LRRC45: variants seen among roughly 807,000 people sequenced by gnomAD.
LRRC45 encodes leucine rich repeat containing 45.
Under a neutral mutation model 85.4 loss-of-function variants are expected in LRRC45, and 73 were observed. That is an observed-to-expected ratio of 0.85 (90% CI 0.71 to 1.04). The LOEUF (loss-of-function observed/expected upper bound fraction) is 1.04, where lower values mean the gene tolerates loss of function less well. Ranked by LOEUF, LRRC45 falls within the 50% of genes least tolerant of loss-of-function variation. The pLI is 0.00. For synonymous variants in LRRC45, 429 were observed against 386.0 expected, an observed-to-expected ratio of 1.11 and a Z score of -1.31; for missense variants, 937 against 883.3, an observed-to-expected ratio of 1.06 and a Z score of -0.77.
chr17:82,028,855 CG>C (rs1243915236), intron 12 of LRRC45, 172 bp downstream of exon 12: 7 of 821,418 alleles, frequency 8.5e-6, no homozygotes, highest in African/African-American at 1.7e-5. Flanking sequence ...TTGGGGGCGG[CG>C]GGGGGACCCC....
Position 82,025,140 on chromosome 17 carries a change from C to T in LRRC45, c.494C>T (p.Ala165Val), listed in dbSNP as rs778963298. 1.2e-6 allele frequency: 2 copies of T among 1,608,786 alleles called. No individual in the cohort carries two copies. Among genetic ancestry groups the T allele is most frequent in the East Asian group, 2.2e-5 (1 of 44,768 alleles). Reference sequence around the variant, plus strand: ...AGTCACAAGGGCGCGGAGGAGCTGGCCCTAGCCCTGAAGGGCAACACCACC... The same window carrying T: ...AGTCACAAGGGCGCGGAGGAGCTGGTCCTAGCCCTGAAGGGCAACACCACC... ...QISHKGAEEL[A>V]LALKGNTTLQ... The change falls in exon 4 of 17, where the codon GCC (alanine) becomes GTC (valine). Residue 165 changes from alanine to valine, a missense_variant. Ala to Val is a moderately conservative substitution (Grantham distance 64, BLOSUM62 0). Coordinates refer to ENST00000306688, the MANE Select transcript of LRRC45 (RefSeq NM_144999.4).
chr17:82,028,406 T>A lies in LRRC45; in HGVS notation c.1135T>A (p.Leu379Met), dbSNP rs1339763186. The change falls in exon 11 of 17, where the codon TTG becomes ATG. Residue 379 changes from leucine to methionine, a missense_variant. By Grantham distance (15) the Leu-to-Met change is conservative (BLOSUM62 2). Transcript: ENST00000306688. Reference sequence around the variant, plus strand: ...TGGTGCCGGCTTTCAGGTAGACGAGTTGGAGCGGAAGTTCAGGTGTCAGCA... The same window carrying A: ...TGGTGCCGGCTTTCAGGTAGACGAGATGGAGCGGAAGTTCAGGTGTCAGCA... ...NLLLQNQVDE[L>M]ERKFRCQQEQ... The A allele has an allele frequency of 6.2e-7, 1 of 1,612,080 alleles. No individual in the cohort carries two copies. Among genetic ancestry groups the A allele is most frequent in the African/African-American group, 1.3e-5 (1 of 74,804 alleles).
At chr17:82,027,291 C>A in intron 6 of LRRC45, 95 bp from the exon 7 acceptor site, 1 of 1,485,650 alleles carries the variant, frequency 6.7e-7, no homozygotes, top group African/African-American at 1.4e-5. Flanking sequence ...CGCTGCCTTG[C>A]CACATTGGTG....
In LRRC45 at chr17:82,023,559, C is replaced by A. The variant is rs764245838; in HGVS notation, c.-85C>A. 1.6e-6 allele frequency: 2 copies of A among 1,262,360 alleles called. No individual in the cohort carries two copies. Among genetic ancestry groups the A allele is most frequent in the African/African-American group, 1.5e-5 (1 of 65,078 alleles). 78.2% of individuals were successfully genotyped at this position (1,262,360 alleles called of 1,614,324 possible). On this transcript the variant is annotated 5_prime_UTR_variant, in exon 1 of 17. Coordinates refer to ENST00000306688, the MANE Select transcript of LRRC45 (RefSeq NM_144999.4). ...CGGCGGAGGCCCCGTCTCCTGTACC[C>A]GGCGCTGGGACTGCTCCGCACCGCG... is the stretch of plus-strand genomic sequence containing the variant.
At chr17:82,028,580 C>T (rs1416843418) in intron 11 of LRRC45, 33 bp from the exon 12 acceptor site, 2 of 1,612,488 alleles carry the variant, frequency 1.2e-6, no homozygotes, top group South Asian at 2.2e-5. Context: ...CCAGGGGATG[C>T]TCACGCATAC....
At chr17:82,029,712 T>C in intron 14 of LRRC45, 77 bp downstream of exon 14, 2 of 1,410,046 alleles carry the variant, frequency 1.4e-6, no homozygotes, top group Non-Finnish European at 2.0e-6. Context: ...ACTCCAGAGC[T>C]TCGGTCTGAG....
chr17:82,026,994 G>C lies in LRRC45; in HGVS notation c.757G>C (p.Glu253Gln), dbSNP rs528559072. 3.1e-6 allele frequency: 5 copies of C among 1,601,764 alleles called. No individual in the cohort carries two copies. In the Middle Eastern group the frequency reaches 6.6e-4, roughly 212 times the overall value. ...CAGCAAGGAGGTCCAGCACCTCCGG[G>C]AGGAGAAGTCCAAGCAGGTGAGGAT... ...VLSKEVQHLR[E>Q]EKSKQFLDLM... The change falls in exon 6 of 17, where the codon GAG becomes CAG. Residue 253 changes from glutamate to glutamine, a missense_variant. Physicochemically the swap from Glu to Gln is conservative, Grantham distance 29. Transcript: ENST00000306688.
At chr17:82,027,266 G>A (rs571176631) in intron 6 of LRRC45, 120 bp from the exon 7 acceptor site, 12 of 1,281,698 alleles carry the variant, frequency 9.4e-6, no homozygotes, top group Admixed American at 5.2e-5. Flanking sequence ...ACAGGGCACC[G>A]TGGGTGGAAC....
Position 82,026,912 on chromosome 17 carries a change from C to T in LRRC45, c.675C>T (p.Gly225=), listed in dbSNP as rs2043372848. The T allele has an allele frequency of 6.2e-7, 1 of 1,604,692 alleles. No homozygotes were observed. Among genetic ancestry groups the T allele is most frequent in the Non-Finnish European group, 8.5e-7 (1 of 1,177,964 alleles). Residue 225 remains glycine, a synonymous_variant, in exon 6 of 17, where the codon GGC becomes GGT. Transcript: ENST00000306688. ...DVLRAVEQAM[G]HSQDRLTTFQ... is the part of the protein sequence containing the mutation. Reference sequence around the variant, plus strand: ...CTCCTTCTGCAGAGCAAGCCATGGGCCACAGCCAGGACCGGCTCACCACCT... The same window carrying T: ...CTCCTTCTGCAGAGCAAGCCATGGGTCACAGCCAGGACCGGCTCACCACCT...
At position 82,028,280 on chromosome 17, in the gene LRRC45, C is replaced by T. The variant is rs72861736; in HGVS notation, c.1094C>T (p.Ala365Val). 145,545 of 1,584,724 alleles carry T rather than the reference C, an allele frequency of 0.092. 7,482 individuals carry two copies. The highest frequency in any genetic ancestry group is 0.11 in the Non-Finnish European group (125,427 of 1,165,672). The part of the protein sequence containing the change: ...ESKLLRDLSA[A>V]NEKNLLLQNQ... ...AAACTCCTCAGAGACTTGTCTGCTGCCAATGAAAAGAACCTGCTTCTGCAA... is the reference window on the plus strand; with the variant it reads ...AAACTCCTCAGAGACTTGTCTGCTGTCAATGAAAAGAACCTGCTTCTGCAA... The change falls in exon 10 of 17, where the codon GCC becomes GTC. Residue 365 changes from alanine to valine, a missense_variant. Ala to Val is a moderately conservative substitution (Grantham distance 64, BLOSUM62 0). Transcript: ENST00000306688.
intron 7 of LRRC45, 77 bp downstream of exon 7, chr17:82,027,521 G>A (rs1468654326): frequency 6.3e-7 from 1 of 1,595,346 alleles, no homozygotes; most frequent in Non-Finnish European, 8.6e-7. Flanking sequence ...GGACCAACCT[G>A]AGCCCACGAG....
At position 82,030,889 on chromosome 17, in the gene LRRC45, C is replaced by T. The variant is rs1255971789; in HGVS notation, c.*84C>T. 3 of 1,061,320 alleles carry T rather than the reference C, an allele frequency of 2.8e-6. No individual in the cohort carries two copies. In the African/African-American group the frequency reaches 4.9e-5, roughly 17 times the overall value. 65.7% of individuals were successfully genotyped at this position (1,061,320 alleles called of 1,614,324 possible). A position where few individuals can be genotyped will look rare whatever the true frequency, so the allele number is the denominator to read the frequency against. ...CAGGGGCTGCGTCCCGCCCGCGCCGCCTCTTTGAGACCCGGGTCGTCTGTT... is the reference window on the plus strand; with the variant it reads ...CAGGGGCTGCGTCCCGCCCGCGCCGTCTCTTTGAGACCCGGGTCGTCTGTT... On this transcript the variant is annotated 3_prime_UTR_variant, in exon 17 of 17. Transcript: ENST00000306688.
Position 82,028,602 on chromosome 17 carries a change from TG to T in LRRC45, c.1238-8del, listed in dbSNP as rs1309277352. On this transcript the variant is annotated splice_polypyrimidine_tract_variant and intron_variant, in intron 11 of 16. Transcript: ENST00000306688. Reference sequence around the variant, plus strand: ...ATGCTCACGCATACTCTGCCCACCCTGGGCTTCCAGAGCGCCTGGACATGGA... The same window carrying T: ...ATGCTCACGCATACTCTGCCCACCCTGGCTTCCAGAGCGCCTGGACATGGA... The T allele has an allele frequency of 1.2e-6, 2 of 1,612,774 alleles. No individual in the cohort carries two copies. The highest frequency in any genetic ancestry group is 1.7e-5 in the Admixed American group (1 of 60,022).
chr17:82,030,090 A>G lies in LRRC45; in HGVS notation c.1520A>G (p.Asp507Gly). The G allele has an allele frequency of 6.5e-7, 1 of 1,546,300 alleles. No individual in the cohort carries two copies. The highest frequency in any genetic ancestry group is 8.7e-7 in the Non-Finnish European group (1 of 1,147,068). ...CAACAGCGCCTGGCTCACCTGGAGG[A>G]CAAGCTGAGACTGCTGGCGCAGGCA... is the stretch of plus-strand genomic sequence containing the variant. ...EEQQRLAHLE[D>G]KLRLLAQARD... is the part of the protein sequence containing the mutation. Residue 507 changes from aspartate (D) to glycine (G), a missense_variant, in exon 15 of 17, where the codon GAC becomes GGC. Physicochemically the swap from Asp to Gly is moderately conservative, Grantham distance 94 (BLOSUM62 -1). Coordinates refer to ENST00000306688, the MANE Select transcript of LRRC45 (RefSeq NM_144999.4).
Position 82,023,373 on chromosome 17 carries a change from AG to A in LRRC45, c.-268del. 1 of 460,986 alleles carries A rather than the reference AG, an allele frequency of 2.2e-6. No homozygotes were observed. The highest frequency in any genetic ancestry group is 3.8e-6 in the Non-Finnish European group (1 of 262,644). 28.6% of individuals were successfully genotyped at this position (460,986 alleles called of 1,614,324 possible). On this transcript the variant is annotated 5_prime_UTR_variant, in exon 1 of 17. Transcript: ENST00000306688. ...CGGGGGTCGGGGCTGCAGGCGGGGC[AG>A]GGCTGGGTGGGGGCGCGCGACGCAC...
intron 2 of LRRC45, 56 bp from the exon 3 acceptor site, chr17:82,024,637 G>A (rs764175144): frequency 3.4e-5 from 52 of 1,531,840 alleles, no homozygotes; most frequent in Middle Eastern, 3.5e-4. Context: ...GGGCATGGGC[G>A]GGAATTCAGA....
chr17:82,025,487 G>T lies in LRRC45; in HGVS notation c.641G>T (p.Gly214Val). 9.3e-6 allele frequency: 15 copies of T among 1,607,748 alleles called. No homozygotes were observed. Among genetic ancestry groups the T allele is most frequent in the Non-Finnish European group, 1.2e-5 (14 of 1,177,054 alleles). Residue 214 changes from glycine to valine, a missense_variant, in exon 5 of 17, where the codon GGA becomes GTA. Gly to Val is a moderately radical substitution (Grantham distance 109, BLOSUM62 -3). Transcript: ENST00000306688. ...GACCTGGCTGGGAACAACATCCCTG[G>T]AGACGTCCTCAGAGCCGTGGGTACG... ...RLDLAGNNIP[G>V]DVLRAVEQAM...
intron 12 of LRRC45, 97 bp downstream of exon 12, chr17:82,028,780 A>AAC: frequency 7.4e-7 from 1 of 1,355,150 alleles, no homozygotes; most frequent in Non-Finnish European, 1.0e-6. Context: ...TTCCCTTGCC[A>AAC]ACCTTGGGTC....
At position 82,026,988 on chromosome 17, in the gene LRRC45, C is replaced by T. The variant is rs779138112; in HGVS notation, c.751C>T (p.Leu251Phe). The T allele has an allele frequency of 2.5e-6, 4 of 1,603,718 alleles. No homozygotes were observed. Among genetic ancestry groups the T allele is most frequent in the Non-Finnish European group, 3.4e-6 (4 of 1,177,592 alleles). ...CGTCCTCAGCAAGGAGGTCCAGCAC[C>T]TCCGGGAGGAGAAGTCCAAGCAGGT... ...THVLSKEVQH[L>F]REEKSKQFLD... is the part of the protein sequence containing the mutation. The change falls in exon 6 of 17, where the codon CTC becomes TTC. Residue 251 changes from leucine (L) to phenylalanine (F), a missense_variant. Transcript: ENST00000306688.
Sources: gnomAD v4.1 joint callset for allele counts on GRCh38, gnomAD v4.1.1 for gene constraint, MANE v1.5 for transcripts, NCBI Gene and HGNC (gene_info 2026-07-23, HGNC 2026-07-21) for gene names.